The following DYNC1I2 variants were observed in gnomAD, a reference collection of about 807,000 sequenced individuals.
DYNC1I2 encodes dynein cytoplasmic 1 intermediate chain 2.
Under a neutral mutation model 88.6 loss-of-function variants are expected in DYNC1I2, and 53 were observed. The ratio of observed to expected loss-of-function variants is 0.60; its 90% CI spans 0.48 to 0.75. The LOEUF is 0.75. Among genes scored for constraint, DYNC1I2 ranks in the 30% least tolerant of loss-of-function variants. DYNC1I2 has a pLI of 0.00. For synonymous variants in DYNC1I2, 198 were observed against 254.6 expected, an observed-to-expected ratio of 0.78 and a Z score of 2.12; for missense variants, 458 against 766.6, an observed-to-expected ratio of 0.60 and a Z score of 4.75.
intron 2 of DYNC1I2, among the ~76,000 whole-genome samples, chr2:171,692,263 T>C (rs1034797104): frequency 1.3e-5 from 2 of 152,046 alleles, no homozygotes; most frequent in Non-Finnish European, 2.9e-5. Flanking sequence ...CAAAAGTGAG[T>C]TTAATTTTAC....
At position 171,727,829 on chromosome 2, in the gene DYNC1I2, G is replaced by A. The variant is rs1370401046; in HGVS notation, c.1005G>A (p.Val335=). The change falls in exon 12 of 18, where the codon GTG becomes GTA. Residue 335 remains valine (V), a synonymous_variant. Coordinates refer to ENST00000397119, the MANE Select transcript of DYNC1I2 (RefSeq NM_001378.3). Reference sequence around the variant, plus strand: ...ATCTTACTTATTTGCAGTCAGCTGTGATGTCTGCCACATTTGCAAAATTTC... The same window carrying A: ...ATCTTACTTATTTGCAGTCAGCTGTAATGTCTGCCACATTTGCAAAATTTC... ...PEYVFHCQSA[V]MSATFAKFHP... 6.2e-7 allele frequency: 1 copy of A among 1,612,430 alleles called. No homozygotes were observed. Among genetic ancestry groups the A allele is most frequent in the East Asian group, 2.2e-5 (1 of 44,840 alleles).
intron 15 of DYNC1I2, among the ~76,000 whole-genome samples, chr2:171,741,999 A>C (rs1286674541): frequency 6.6e-6 from 1 of 151,310 alleles, no homozygotes; most frequent in African/African-American, 2.4e-5. Flanking sequence ...GGAGAATCGC[A>C]TGAACCCAGT....
intron 7 of DYNC1I2, 75 bp downstream of exon 7, chr2:171,715,518 A>T: frequency 9.7e-7 from 1 of 1,035,270 alleles, no homozygotes; most frequent in East Asian, 2.7e-5. Context: ...TCTTCCTTTG[A>T]TTTTTGTTTT....
chr2:171,709,168 A>C (rs906714003), intron 5 of DYNC1I2, among the ~76,000 whole-genome samples: 1 of 152,156 alleles, frequency 6.6e-6, no homozygotes, highest in Admixed American at 6.5e-5. Flanking sequence ...TACTGTGTAC[A>C]TTATGACTCA....
intron 15 of DYNC1I2, among the ~76,000 whole-genome samples, chr2:171,738,743 A>C (rs1192536328): frequency 6.6e-6 from 1 of 152,236 alleles, no homozygotes; most frequent in Non-Finnish European, 1.5e-5. Context: ...GGTGTGCATC[A>C]GAATCACTAG....
intron 15 of DYNC1I2, among the ~76,000 whole-genome samples, chr2:171,731,630 G>C (rs1230199828): frequency 6.6e-6 from 1 of 152,090 alleles, no homozygotes; most frequent in African/African-American, 2.4e-5. Flanking sequence ...GTGCGCACCT[G>C]TGGTCCTAGC....
At chr2:171,727,783 A>G (rs1688346115) in intron 11 of DYNC1I2, 38 bp from the exon 12 acceptor site, 2 of 1,593,110 alleles carry the variant, frequency 1.3e-6, no homozygotes, top group Non-Finnish European at 8.6e-7. Flanking sequence ...GGCATTTTCC[A>G]TTTGAATCTC....
chr2:171,690,918 A>G (rs1333255099), intron 2 of DYNC1I2, among the ~76,000 whole-genome samples: 1 of 151,942 alleles, frequency 6.6e-6, no homozygotes, highest in African/African-American at 2.4e-5. Flanking sequence ...GGCTTCCCGA[A>G]GTGTTGGGAT....
chr2:171,737,596 T>C (rs186960861), intron 15 of DYNC1I2, among the ~76,000 whole-genome samples: 4 of 152,304 alleles, frequency 2.6e-5, no homozygotes, highest in African/African-American at 9.6e-5. Flanking sequence ...TTTTGCATTT[T>C]TAGTAGAGAC....
intron 11 of DYNC1I2, among the ~76,000 whole-genome samples, chr2:171,727,549 C>G (rs927174104): frequency 2.6e-5 from 4 of 152,064 alleles, no homozygotes; most frequent in African/African-American, 9.7e-5. Flanking sequence ...CTGTAGTTAA[C>G]TGAAATAACT....
chr2:171,729,574 C>T (rs1688473010), intron 14 of DYNC1I2, 135 bp from the exon 15 acceptor site: 3 of 881,976 alleles, frequency 3.4e-6, no homozygotes, highest in Non-Finnish European at 5.1e-6. Context: ...AAAGTTAATT[C>T]TGATAAGTTA....
intron 7 of DYNC1I2, among the ~76,000 whole-genome samples, chr2:171,717,825 A>G (rs1687619228): frequency 6.6e-6 from 1 of 152,118 alleles, no homozygotes; most frequent in South Asian, 2.1e-4. Flanking sequence ...TAATTTGGAG[A>G]TTGTATTTTT....
chr2:171,738,356 G>C (rs776673560), intron 15 of DYNC1I2, among the ~76,000 whole-genome samples: 10 of 151,988 alleles, frequency 6.6e-5, no homozygotes, highest in Non-Finnish European at 1.2e-4. Flanking sequence ...AAGAAAAAAA[G>C]ATACTCATTT....
intron 5 of DYNC1I2, among the ~76,000 whole-genome samples, chr2:171,711,033 G>A (rs1446983613): frequency 1.7e-5 from 2 of 116,312 alleles, no homozygotes; most frequent in East Asian, 4.7e-4. Context: ...CTCACCCCAC[G>A]ACAGGCCCCG....
rs1022453440 is a variant in DYNC1I2, at chr2:171,749,832, A to C, written c.*1943A>C. Among the ~76,000 whole-genome samples the C allele has an allele frequency of 6.6e-6, 1 of 151,970 alleles. No individual in the cohort carries two copies. The highest frequency in any genetic ancestry group is 2.4e-5 in the African/African-American group (1 of 41,444). On this transcript the variant is annotated 3_prime_UTR_variant, in exon 18 of 18. Coordinates refer to ENST00000397119, the MANE Select transcript of DYNC1I2 (RefSeq NM_001378.3). ...AGGAATTACCTTTAAAGTTGACTAT[A>C]TAATAGCAAAAGAGAAAGTATTGAG...
chr2:171,703,189 G>A (rs1686403938), intron 3 of DYNC1I2, among the ~76,000 whole-genome samples: 1 of 152,158 alleles, frequency 6.6e-6, no homozygotes, highest in South Asian at 2.1e-4. Flanking sequence ...CCTGGTAAGG[G>A]CGAATTAAAG....
At chr2:171,706,946 C>A (rs1342253244) in intron 4 of DYNC1I2, 2 of 437,612 alleles carry the variant, frequency 4.6e-6, no homozygotes, top group East Asian at 8.4e-5. Context: ...TGAAAAGTTA[C>A]AAGGGGGAGA....
intron 15 of DYNC1I2, among the ~76,000 whole-genome samples, chr2:171,737,176 A>G (rs1689066736): frequency 1.3e-5 from 2 of 152,178 alleles, no homozygotes; most frequent in African/African-American, 4.8e-5. Context: ...TGCAGCTACC[A>G]TCATTCCAGC....
chr2:171,738,268 G>T (rs12991330), intron 15 of DYNC1I2, among the ~76,000 whole-genome samples: 1 of 151,970 alleles, frequency 6.6e-6, no homozygotes, highest in Admixed American at 6.6e-5. Context: ...AGAGGTGGAG[G>T]TTGCAGTGAG....
Sources: gnomAD v4.1 joint callset for allele counts (sites outside exome capture counted in the v4.1 genomes callset) on GRCh38, gnomAD v4.1.1 for gene constraint, MANE v1.5 for transcripts, NCBI Gene and HGNC (gene_info 2026-07-23, HGNC 2026-07-21) for gene names.